ASIC2: variants seen among roughly 807,000 people sequenced by gnomAD.
The protein encoded by ASIC2 is acid-sensing ion channel 2.
Under a neutral mutation model 57.3 loss-of-function variants are expected in ASIC2, and 25 were observed. That is an observed-to-expected ratio of 0.44 (90% CI 0.32 to 0.61). The LOEUF (loss-of-function observed/expected upper bound fraction) is 0.61. Among genes scored for constraint, ASIC2 ranks in the 20% least tolerant of loss-of-function variants. The pLI, the probability that ASIC2 is intolerant of heterozygous loss-of-function variation, is 0.06. For missense variants in ASIC2, 641 were observed against 738.1 expected, an observed-to-expected ratio of 0.87 and a Z score of 1.52; for synonymous variants, 319 against 307.5, an observed-to-expected ratio of 1.04 and a Z score of -0.39.
In ASIC2 at chr17:33,292,227, GC is replaced by G. The variant is rs1486060039; in HGVS notation, c.-113del. 1.0e-6 allele frequency: 1 copy of G among 999,488 alleles called. No homozygotes were observed. The highest frequency in any genetic ancestry group is 1.8e-5 in the African/African-American group (1 of 57,102). 61.9% of individuals were successfully genotyped at this position (999,488 alleles called of 1,614,324 possible). A position where few individuals can be genotyped will look rare whatever the true frequency, so the allele number is the denominator to read the frequency against. ...GCAGCGGCAGCCGCGCGCAGCCCGCGCCAGGGAAGCGTGCGCCCGAAAGGAG... is the reference window on the plus strand; with the variant it reads ...GCAGCGGCAGCCGCGCGCAGCCCGCGCAGGGAAGCGTGCGCCCGAAAGGAG... On this transcript the variant is annotated 5_prime_UTR_variant, in exon 1 of 10. An upstream open reading frame in the 5' UTR gains an earlier in-frame stop. Transcript: ENST00000225823.
chr17:33,790,358 G>A (rs529817982), intron 1 of ASIC2, among the ~76,000 whole-genome samples: 6 of 152,098 alleles, frequency 3.9e-5, no homozygotes, highest in Non-Finnish European at 7.4e-5. Flanking sequence ...TCACAAAATT[G>A]TTTTCCTATG....
chr17:33,960,418 T>C (rs960595326), intron 1 of ASIC2, among the ~76,000 whole-genome samples: 4 of 152,226 alleles, frequency 2.6e-5, no homozygotes, highest in African/African-American at 9.6e-5. Flanking sequence ...TCCTGACTAA[T>C]GTACATACAG....
intron 1 of ASIC2, among the ~76,000 whole-genome samples, chr17:34,131,203 C>G (rs1029107525): frequency 1.3e-5 from 2 of 152,014 alleles, no homozygotes; most frequent in African/African-American, 4.8e-5. Context: ...TGCAGATTGG[C>G]AAGACAATAG....
intron 1 of ASIC2, among the ~76,000 whole-genome samples, chr17:33,451,847 A>G (rs1157018304): frequency 1.3e-5 from 2 of 152,148 alleles, no homozygotes; most frequent in East Asian, 1.9e-4. Flanking sequence ...TGTACTTTTC[A>G]TAATTATAAC....
In ASIC2 at chr17:33,429,777, G is replaced by C. The variant is rs559091869; in HGVS notation, c.556-317710C>G. Among the ~76,000 whole-genome samples, 40 of 152,300 alleles carry C rather than the reference G, an allele frequency of 2.6e-4. No homozygotes were observed. The South Asian group carries it at 7.0e-3, about 27-fold the overall frequency. ...GAGGGGCATATGAGAGAAACAGTAG[G>C]TATAATGTACAGATATAAGAGCATA... On this transcript the variant is annotated intron_variant, in intron 1 of 9. Coordinates refer to the ASIC2 transcript ENST00000359872.
At chr17:33,341,086 T>G (rs1907702309) in intron 1 of ASIC2, among the ~76,000 whole-genome samples, 1 of 152,204 alleles carries the variant, frequency 6.6e-6, no homozygotes. Context: ...TGAATTTCCT[T>G]AAGTTTTGGA....
chr17:33,147,167 C>T (rs901415362), intron 1 of ASIC2, among the ~76,000 whole-genome samples: 6 of 152,098 alleles, frequency 3.9e-5, no homozygotes, highest in Non-Finnish European at 7.3e-5. Context: ...TTATTTTTAT[C>T]ATTGTAGAAA....
intron 1 of ASIC2, among the ~76,000 whole-genome samples, chr17:33,376,338 A>C (rs1033206566): frequency 6.7e-6 from 1 of 149,134 alleles, no homozygotes; most frequent in African/African-American, 2.5e-5. Flanking sequence ...CAAATTGTGT[A>C]AGTCATCCCC....
intron 1 of ASIC2, among the ~76,000 whole-genome samples, chr17:34,095,625 A>ATG (rs933701571): frequency 1.4e-5 from 1 of 73,672 alleles, no homozygotes; most frequent in African/African-American, 1.4e-4. Context: ...ATATATATAT[A>ATG]TATAATTTTA....
intron 1 of ASIC2, among the ~76,000 whole-genome samples, chr17:33,667,245 G>T (rs752860911): frequency 6.6e-6 from 1 of 152,224 alleles, no homozygotes; most frequent in East Asian, 1.9e-4. Context: ...AGACGCAGGT[G>T]TGGTTGGCAC....
Position 34,091,188 on chromosome 17 carries a change from C to T in ASIC2, c.555+64790G>A, listed in dbSNP as rs186056686. On this transcript the variant is annotated intron_variant, in intron 1 of 9. Transcript: ENST00000359872. ...TCCAGCCCTTGTCCACATTGCCAAT[C>T]TCAAAACAGACCTGAGATAAAGTCT... Among the ~76,000 whole-genome samples, 34 of 152,378 alleles carry T rather than the reference C, an allele frequency of 2.2e-4. 1 individual carries two copies. In the East Asian group the frequency reaches 6.6e-3, roughly 29 times the overall value.
intron 1 of ASIC2, among the ~76,000 whole-genome samples, chr17:33,491,304 A>G (rs1241533304): frequency 1.3e-5 from 2 of 152,162 alleles, no homozygotes; most frequent in African/African-American, 4.8e-5. Flanking sequence ...CCTCGGCTCT[A>G]ACATGATGCT....
At chr17:34,112,695 G>C (rs534659426) in intron 1 of ASIC2, among the ~76,000 whole-genome samples, 2 of 152,272 alleles carry the variant, frequency 1.3e-5, no homozygotes, top group East Asian at 3.9e-4. Context: ...GCATTTACAA[G>C]ATAAGGCCTT....
At chr17:34,011,424 G>A (rs1490875335) in intron 1 of ASIC2, among the ~76,000 whole-genome samples, 1 of 152,072 alleles carries the variant, frequency 6.6e-6, no homozygotes, top group East Asian at 1.9e-4. Flanking sequence ...CCAGTTCACA[G>A]GCAACACTGG....
intron 5 of ASIC2, among the ~76,000 whole-genome samples, 160 bp from the exon 6 acceptor site, chr17:33,024,174 T>C (rs1320179901): frequency 6.6e-6 from 1 of 152,182 alleles, no homozygotes; most frequent in African/African-American, 2.4e-5. Flanking sequence ...AACTGGGCTT[T>C]TGCTGTAGGT....
At chr17:33,899,221 C>T (rs747690662) in intron 1 of ASIC2, among the ~76,000 whole-genome samples, 1 of 152,020 alleles carries the variant, frequency 6.6e-6, no homozygotes, top group Non-Finnish European at 1.5e-5. Context: ...AGTATTTCAC[C>T]TCTCCACACC....
At chr17:33,827,575 A>G (rs1311336387) in intron 1 of ASIC2, among the ~76,000 whole-genome samples, 2 of 148,160 alleles carry the variant, frequency 1.3e-5, no homozygotes, top group Non-Finnish European at 3.0e-5. Context: ...TGATTTCCTG[A>G]CCAAGTGATC....
At chr17:34,076,122 C>A (rs932137300) in intron 1 of ASIC2, among the ~76,000 whole-genome samples, 4 of 152,104 alleles carry the variant, frequency 2.6e-5, no homozygotes, top group African/African-American at 9.7e-5. Flanking sequence ...CCTGCCTCAG[C>A]CTTGCGAGTA....
In ASIC2 at chr17:34,046,452, T is replaced by C. The variant is rs76373593; in HGVS notation, c.555+109526A>G. Among the ~76,000 whole-genome samples, 469 of 152,336 alleles carry C rather than the reference T, an allele frequency of 3.1e-3. 5 individuals carry two copies. The highest frequency in any genetic ancestry group is 0.011 in the African/African-American group (448 of 41,566). ...TGAAAATTTATTTGTTAAAAAGACA[T>C]TTCATTTTCATGGGATATGTTGTCA... On this transcript the variant is annotated intron_variant, in intron 1 of 9. Coordinates refer to the ASIC2 transcript ENST00000359872.
Sources: gnomAD v4.1 joint callset for allele counts (sites outside exome capture counted in the v4.1 genomes callset) on GRCh38, gnomAD v4.1.1 for gene constraint, MANE v1.5 for transcripts, NCBI Gene and HGNC (gene_info 2026-07-23, HGNC 2026-07-21) for gene names.